The following HDX variants were observed in gnomAD, a reference collection of about 807,000 sequenced individuals.
HDX encodes the protein chromosome X open reading frame 43.
HDX carries 19 observed loss-of-function variants against 45.2 expected under a neutral mutation model. That is an observed-to-expected ratio of 0.42 (90% CI 0.29 to 0.62). HDX has a LOEUF of 0.62. Among genes scored for constraint, HDX ranks in the 20% least tolerant of loss-of-function variants. The probability of loss-of-function intolerance (pLI) is 0.20; values close to 1 mark genes in which losing one functional copy is unlikely to be tolerated. For synonymous variants in HDX, 188 were observed against 172.8 expected (o/e 1.09, Z -0.69); for missense variants, 532 against 493.9 (o/e 1.08, Z -0.73).
intron 5 of HDX, among the ~76,000 whole-genome samples, chrX:84,363,521 C>G (rs1430649215): frequency 2.7e-5 from 3 of 111,896 alleles, no homozygotes; most frequent in African/African-American, 9.7e-5. Context: ...TTTAAACTGA[C>G]CTAAATAAAA....
At chrX:84,473,775 G>GA (rs904467920) in intron 3 of HDX, among the ~76,000 whole-genome samples, 57 of 78,226 alleles carry the variant, frequency 7.3e-4, no homozygotes, top group African/African-American at 2.1e-3. Context: ...CAAGAAAAAA[G>GA]AAAAAAAAAA....
At chrX:84,359,480 A>G (rs149710079) in intron 6 of HDX, among the ~76,000 whole-genome samples, 1,354 of 110,929 alleles carry the variant, frequency 0.012, 11 homozygotes, top group African/African-American at 0.042. Flanking sequence ...GCTGAGGATA[A>G]TGGCTTCCAA....
intron 5 of HDX, among the ~76,000 whole-genome samples, chrX:84,426,302 C>A (rs146623044): frequency 9.1e-6 from 1 of 110,226 alleles, no homozygotes; most frequent in South Asian, 3.9e-4. Flanking sequence ...ATTTGATAAT[C>A]CCATTCCTAG....
At chrX:84,384,899 T>C (rs1167635900) in intron 5 of HDX, among the ~76,000 whole-genome samples, 1 of 111,207 alleles carries the variant, frequency 9.0e-6, no homozygotes, top group Non-Finnish European at 1.9e-5. Context: ...TCTGTTTTTG[T>C]ACCAGTACTT....
intron 6 of HDX, among the ~76,000 whole-genome samples, chrX:84,349,135 A>G (rs775919215): frequency 9.0e-6 from 1 of 110,787 alleles, no homozygotes; most frequent in Non-Finnish European, 1.9e-5. Flanking sequence ...AATGGTTCCC[A>G]TGGAGGTTTC....
chrX:84,406,497 C>CAT (rs1265141642), intron 5 of HDX, among the ~76,000 whole-genome samples: 83 of 66,663 alleles, frequency 1.2e-3, no homozygotes, highest in African/African-American at 3.9e-3. Context: ...CACACACACA[C>CAT]ACATACACAC....
intron 4 of HDX, among the ~76,000 whole-genome samples, chrX:84,457,142 T>C (rs1209965325): frequency 4.5e-5 from 5 of 111,821 alleles, no homozygotes; most frequent in Non-Finnish European, 7.5e-5. Flanking sequence ...TCTTCTTTTT[T>C]TTTGGCTATT....
At chrX:84,353,055 T>C (rs1843768054) in intron 6 of HDX, among the ~76,000 whole-genome samples, 1 of 111,972 alleles carries the variant, frequency 8.9e-6, no homozygotes. Context: ...GATTATAAAA[T>C]GTACAATGAT....
Position 84,326,318 on chromosome X carries a change from A to G in HDX, c.1825-18T>C. 1 of 1,146,290 alleles carries G rather than the reference A, an allele frequency of 8.7e-7. No individual in the cohort carries two copies. The highest frequency in any genetic ancestry group is 1.2e-6 in the Non-Finnish European group (1 of 837,539). 94.5% of individuals were successfully genotyped at this position (1,146,290 alleles called of 1,213,427 possible). A position where few individuals can be genotyped will look rare whatever the true frequency, so the allele number is the denominator to read the frequency against. On this transcript the variant is annotated intron_variant, in intron 9 of 10. Transcript: ENST00000373177. ...TCTTCATTCTGAAAGAGAAAATACC[A>G]AATGATACAATTACCTTATGTAAAC...
Position 84,336,843 on chromosome X carries a change from AG to A in HDX, c.1697del (p.Ala566ValfsTer10). On this transcript the variant is annotated frameshift_variant, in exon 8 of 11. Transcript: ENST00000373177. LOFTEE classifies it high-confidence loss of function. ...CTGCATGGTGGTCCTCTTCCTTATGAGCCCTTGCATCATTCGGAACAACTTC... is the reference window on the plus strand; with the variant it reads ...CTGCATGGTGGTCCTCTTCCTTATGACCCTTGCATCATTCGGAACAACTTC... ...PNEVVPNDAR[A>X]HKEEDHHAVT... 8.4e-7 allele frequency: 1 copy of A among 1,192,777 alleles called. No homozygotes were observed. The highest frequency in any genetic ancestry group is 1.1e-6 in the Non-Finnish European group (1 of 881,633).
chrX:84,403,604 T>A (rs2038753731), intron 5 of HDX, among the ~76,000 whole-genome samples: 1 of 111,462 alleles, frequency 9.0e-6, no homozygotes, highest in Admixed American at 9.6e-5. Flanking sequence ...ATACAGAATT[T>A]TCAGTTGGCC....
Position 84,324,116 on chromosome X carries a change from T to C in HDX, c.1947+2062A>G, listed in dbSNP as rs187861227. On this transcript the variant is annotated intron_variant, in intron 10 of 10. Coordinates refer to ENST00000373177, the MANE Select transcript of HDX (RefSeq NM_001177479.2). ...ATTTTAAAGTGGCTATTGATTTAAA[T>C]AACAACAACAACAAAATCTTTGGGT... Among the ~76,000 whole-genome samples, 293 of 111,779 alleles carry C rather than the reference T, an allele frequency of 2.6e-3. 2 individuals carry two copies. The highest frequency in any genetic ancestry group is 9.2e-3 in the African/African-American group (284 of 30,931).
chrX:84,497,868 C>T (rs978573113), intron 1 of HDX, among the ~76,000 whole-genome samples: 2 of 111,223 alleles, frequency 1.8e-5, no homozygotes, highest in African/African-American at 6.5e-5. Context: ...CCCTCAAATC[C>T]TGGCTTTGCC....
Position 84,475,345 on chromosome X carries a change from T to C in HDX, c.53A>G (p.Tyr18Cys). 1 of 1,165,945 alleles carries C rather than the reference T, an allele frequency of 8.6e-7. No homozygotes were observed. The highest frequency in any genetic ancestry group is 1.2e-6 in the Non-Finnish European group (1 of 858,199). Residue 18 changes from tyrosine to cysteine, a missense_variant, in exon 3 of 11, where the codon TAT becomes TGT. Physicochemically the swap from Tyr to Cys is radical, Grantham distance 194 (BLOSUM62 -2). Coordinates refer to ENST00000373177, the MANE Select transcript of HDX (RefSeq NM_001177479.2). ...TVEQQRILQR[Y>C]YENGMTNQSK... ...TTGATTTGTCATTCCATTTTCATAA[T>C]AACGCTGTAAAATCCTTTGTTGTTC...
chrX:84,433,874 T>C (rs2039559824), intron 5 of HDX, among the ~76,000 whole-genome samples: 1 of 111,602 alleles, frequency 9.0e-6, no homozygotes, highest in African/African-American at 3.2e-5. Flanking sequence ...ATCAATGTTT[T>C]GTTTTTTTTA....
At chrX:84,474,761 A>G (rs1351144001) in intron 3 of HDX, among the ~76,000 whole-genome samples, 1 of 112,274 alleles carries the variant, frequency 8.9e-6, no homozygotes, top group Non-Finnish European at 1.9e-5. Context: ...TTATTCTCTT[A>G]AGAGTCCTTG....
At chrX:84,424,629 C>G (rs944983487) in intron 5 of HDX, among the ~76,000 whole-genome samples, 31 of 110,812 alleles carry the variant, frequency 2.8e-4, no homozygotes, top group African/African-American at 1.0e-3. Context: ...ATCAATGAAA[C>G]AGAATAGAGA....
intron 5 of HDX, among the ~76,000 whole-genome samples, chrX:84,373,383 G>C (rs1481626017): frequency 9.0e-6 from 1 of 111,123 alleles, no homozygotes; most frequent in Non-Finnish European, 1.9e-5. Context: ...TTAAAAAAAA[G>C]AGGGAATCCT....
At chrX:84,482,600 G>A (rs2040710275) in intron 2 of HDX, among the ~76,000 whole-genome samples, 1 of 111,518 alleles carries the variant, frequency 9.0e-6, no homozygotes, top group African/African-American at 3.3e-5. Flanking sequence ...TTCCCACTGG[G>A]TCCCTCCCAC....
Sources: gnomAD v4.1 joint callset for allele counts (sites outside exome capture counted in the v4.1 genomes callset) on GRCh38, gnomAD v4.1.1 for gene constraint, MANE v1.5 for transcripts, NCBI Gene and HGNC (gene_info 2026-07-23, HGNC 2026-07-21) for gene names.